CC2D2B: variants seen among roughly 807,000 people sequenced by gnomAD.
CC2D2B encodes the protein protein CC2D2B.
A neutral mutation model predicts 161.2 loss-of-function variants in CC2D2B; 128 were observed. That is an observed-to-expected ratio of 0.79 (90% CI 0.69 to 0.92). The LOEUF (loss-of-function observed/expected upper bound fraction) is 0.92. Among genes scored for constraint, CC2D2B ranks in the 40% least tolerant of loss-of-function variants. The pLI, the probability that CC2D2B is intolerant of heterozygous loss-of-function variation, is 0.00. For synonymous variants in CC2D2B, 391 were observed against 449.8 expected (o/e 0.87, Z 1.65); for missense variants, 1,173 against 1,375.1 (o/e 0.85, Z 2.32).
chr10:95,944,941 G>T (rs762341056), intron 9 of CC2D2B, among the ~76,000 whole-genome samples: 2 of 152,176 alleles, frequency 1.3e-5, no homozygotes, highest in African/African-American at 2.4e-5. Context: ...AGCATTAAGG[G>T]GTAGGACCTA....
At chr10:95,981,931 T>C (rs1047500332) in intron 17 of CC2D2B, 44 bp from the exon 18 acceptor site, 25 of 996,386 alleles carry the variant, frequency 2.5e-5, no homozygotes, top group Non-Finnish European at 3.1e-5. Flanking sequence ...AATACATATA[T>C]TTTATATTGT....
intron 15 of CC2D2B, among the ~76,000 whole-genome samples, chr10:95,970,050 T>G (rs79909621): frequency 6.6e-6 from 1 of 151,932 alleles, no homozygotes; most frequent in African/African-American, 2.4e-5. Flanking sequence ...TTTTTTTTTT[T>G]TCTAAGATGA....
chr10:95,919,795 G>A (rs2098523182), intron 2 of CC2D2B: 1 of 151,280 alleles, frequency 6.6e-6, no homozygotes, highest in African/African-American at 2.4e-5. Flanking sequence ...CCATTGAAGT[G>A]CGAGGGCCTG....
intron 2 of CC2D2B, among the ~76,000 whole-genome samples, chr10:95,915,817 A>G (rs2098515265): frequency 6.6e-6 from 1 of 151,982 alleles, no homozygotes; most frequent in Admixed American, 6.6e-5. Flanking sequence ...TATTTTGTTG[A>G]GGATTTTTGC....
intron 2 of CC2D2B, chr10:95,913,287 G>A (rs1478220706): frequency 5.5e-6 from 1 of 183,134 alleles, no homozygotes; most frequent in East Asian, 1.8e-4. Flanking sequence ...CAAGTGATAG[G>A]ATCTCATTCT....
At chr10:96,024,283 G>A (rs1446904971) in intron 32 of CC2D2B, among the ~76,000 whole-genome samples, 3 of 152,176 alleles carry the variant, frequency 2.0e-5, no homozygotes, top group African/African-American at 7.2e-5. Flanking sequence ...GCATGCACAT[G>A]TGTGCATACA....
intron 30 of CC2D2B, 100 bp from the exon 31 acceptor site, chr10:96,019,103 C>A: frequency 1.0e-6 from 1 of 997,262 alleles, no homozygotes; most frequent in Non-Finnish European, 1.4e-6. Flanking sequence ...CACCACACTC[C>A]ACTAAAAAAG....
chr10:95,912,112 C>A (rs2098507440), intron 2 of CC2D2B, among the ~76,000 whole-genome samples: 1 of 152,136 alleles, frequency 6.6e-6, no homozygotes, highest in Non-Finnish European at 1.5e-5. Flanking sequence ...GTTTTTGACA[C>A]AAATTCATGT....
intron 15 of CC2D2B, among the ~76,000 whole-genome samples, chr10:95,969,697 T>C (rs192030997): frequency 6.6e-6 from 1 of 152,262 alleles, no homozygotes; most frequent in East Asian, 1.9e-4. Flanking sequence ...TCTCTTACAA[T>C]GTCCCTCTGT....
chr10:95,981,262 C>G (rs111776291), intron 17 of CC2D2B, among the ~76,000 whole-genome samples: 4 of 151,974 alleles, frequency 2.6e-5, no homozygotes, highest in South Asian at 2.1e-4. Flanking sequence ...CGTGGTAGCA[C>G]GTGCCTGTAG....
intron 21 of CC2D2B, 93 bp downstream of exon 21, chr10:95,991,554 C>A (rs543274421): frequency 2.7e-6 from 1 of 374,632 alleles, no homozygotes; most frequent in African/African-American, 2.1e-5. Flanking sequence ...TTAATTAAGC[C>A]ATATGTCAAA....
chr10:95,941,312 C>T (rs977064620), intron 9 of CC2D2B, among the ~76,000 whole-genome samples: 10 of 152,084 alleles, frequency 6.6e-5, no homozygotes, highest in East Asian at 3.9e-4. Flanking sequence ...ACACCAAAAG[C>T]GTAGGCAACA....
intron 33 of CC2D2B, among the ~76,000 whole-genome samples, chr10:96,025,172 T>TAAAA (rs1564683838): frequency 5.7e-5 from 1 of 17,622 alleles, no homozygotes; most frequent in African/African-American, 2.1e-4. Flanking sequence ...TATATATATA[T>TAAAA]ATATATATAT....
intron 22 of CC2D2B, among the ~76,000 whole-genome samples, chr10:95,993,950 GTGTATA>G (rs1258959414): frequency 5.0e-3 from 68 of 13,708 alleles, no homozygotes; most frequent in Admixed American, 6.9e-3. Flanking sequence ...GTGTATGTAT[GTGTATA>G]TATATATATA....
intron 26 of CC2D2B, among the ~76,000 whole-genome samples, chr10:96,011,255 G>A (rs1463064346): frequency 6.6e-6 from 1 of 152,206 alleles, no homozygotes; most frequent in Non-Finnish European, 1.5e-5. Context: ...TACAGCTACA[G>A]GGATTCCTAT....
chr10:96,031,381 G>A (rs1387629064), intron 34 of CC2D2B, among the ~76,000 whole-genome samples: 1 of 152,178 alleles, frequency 6.6e-6, no homozygotes, highest in Admixed American at 6.6e-5. Flanking sequence ...AATTTTCCAT[G>A]GGACCATGTT....
At chr10:95,921,194 C>G (rs1320057070) in intron 2 of CC2D2B, 1 of 152,358 alleles carries the variant, frequency 6.6e-6, no homozygotes, top group Admixed American at 6.5e-5. Context: ...GTTCTGACTG[C>G]TGGGATGGAC....
At chr10:96,025,200 T>A (rs1347032903) in intron 33 of CC2D2B, among the ~76,000 whole-genome samples, 1,782 of 117,176 alleles carry the variant, frequency 0.015, 97 homozygotes, top group South Asian at 0.021. Flanking sequence ...AAAATATATA[T>A]ATATATATAT....
At chr10:95,912,655 C>T (rs778423145) in intron 2 of CC2D2B, among the ~76,000 whole-genome samples, 1 of 152,128 alleles carries the variant, frequency 6.6e-6, no homozygotes, top group Non-Finnish European at 1.5e-5. Flanking sequence ...ATAGCTAAAA[C>T]TAGTATAGCA....
Sources: gnomAD v4.1 joint callset for allele counts (sites outside exome capture counted in the v4.1 genomes callset) on GRCh38, gnomAD v4.1.1 for gene constraint, MANE v1.5 for transcripts, NCBI Gene and HGNC (gene_info 2026-07-23, HGNC 2026-07-21) for gene names.